Variants in MLIP observed in about 807,000 individuals in gnomAD.
MLIP encodes muscular LMNA-interacting protein.
A neutral mutation model predicts 84.8 loss-of-function variants in MLIP; 79 were observed. The observed-to-expected ratio is 0.93, with a 90% CI of 0.78 to 1.12. MLIP has a LOEUF of 1.12. Ranked by LOEUF, MLIP falls within the 50% of genes most tolerant of loss-of-function variation. MLIP has a pLI of 0.00. For missense variants in MLIP, 1,257 were observed against 1,160.6 expected (o/e 1.08, Z -1.21); for synonymous variants, 504 against 463.0 (o/e 1.09, Z -1.14).
intron 4 of MLIP, among the ~76,000 whole-genome samples, chr6:54,145,691 G>C (rs756453605): frequency 2.6e-5 from 4 of 151,918 alleles, no homozygotes; most frequent in Non-Finnish European, 5.9e-5. Context: ...TGGAAGAATT[G>C]CTTGAGCTCA....
chr6:54,181,938 AG>A (rs1175729945), intron 9 of MLIP, among the ~76,000 whole-genome samples: 1 of 152,184 alleles, frequency 6.6e-6, no homozygotes, highest in African/African-American at 2.4e-5. Flanking sequence ...AGAAGCAAGG[AG>A]TCACTTTTGT....
chr6:54,254,611 T>C (rs952825946), intron 12 of MLIP, among the ~76,000 whole-genome samples: 6 of 152,078 alleles, frequency 3.9e-5, no homozygotes, highest in Admixed American at 6.6e-5. Flanking sequence ...ATCAACAAAA[T>C]AGCAACATAT....
At chr6:54,054,711 A>G (rs958469384) in intron 1 of MLIP, among the ~76,000 whole-genome samples, 6 of 152,062 alleles carry the variant, frequency 3.9e-5, no homozygotes, top group Non-Finnish European at 7.4e-5. Context: ...GCAAGATAAC[A>G]TTTTCTCTGG....
intron 11 of MLIP, among the ~76,000 whole-genome samples, chr6:54,211,517 C>A (rs1779449827): frequency 6.6e-6 from 1 of 152,164 alleles, no homozygotes; most frequent in African/African-American, 2.4e-5. Context: ...CAAAGGAAAT[C>A]TAGGGCAGCT....
intron 1 of MLIP, chr6:54,028,983 G>C (rs1297069386): frequency 2.0e-5 from 3 of 151,934 alleles, no homozygotes; most frequent in Non-Finnish European, 4.4e-5. Flanking sequence ...TTTTCTCTTT[G>C]CCAGGTCTCT....
intron 9 of MLIP, among the ~76,000 whole-genome samples, chr6:54,171,219 AATTAAAGTAGGTTAACTTTC>A (rs1775741126): frequency 6.6e-6 from 1 of 151,604 alleles, no homozygotes; most frequent in African/African-American, 2.4e-5. Flanking sequence ...TATCAGATTT[AATTAAAGTAGGTTAACTTTC>A]ATGCCCTTAA....
At chr6:54,027,438 G>C (rs142506329) in intron 1 of MLIP, among the ~76,000 whole-genome samples, 16 of 150,986 alleles carry the variant, frequency 1.1e-4, no homozygotes, top group Non-Finnish European at 1.6e-4. Flanking sequence ...CATAAAATCT[G>C]TGTGTTAAAT....
intron 12 of MLIP, among the ~76,000 whole-genome samples, chr6:54,231,627 G>A (rs1456711733): frequency 2.6e-5 from 4 of 151,950 alleles, no homozygotes; most frequent in Non-Finnish European, 4.4e-5. Context: ...TTCTGATAAG[G>A]GCATCCTGGC....
chr6:54,226,773 A>T (rs535289638), intron 11 of MLIP, among the ~76,000 whole-genome samples: 1 of 152,334 alleles, frequency 6.6e-6, no homozygotes. Flanking sequence ...CTAAAAAAAT[A>T]AAAAGAATAC....
At chr6:54,234,759 T>C (rs1781251783) in intron 12 of MLIP, among the ~76,000 whole-genome samples, 1 of 152,190 alleles carries the variant, frequency 6.6e-6, no homozygotes, top group Admixed American at 6.5e-5. Flanking sequence ...TGCATTTCTC[T>C]CCTCACTCTG....
rs548445909 is a variant in MLIP, at chr6:54,036,705, T to A, written c.63+17614T>A. On this transcript the variant is annotated intron_variant, in intron 1 of 12. Coordinates refer to the MLIP transcript ENST00000274897. Reference sequence around the variant, plus strand: ...TTCCTAAAAAAATGAAAAATAGAACTACTATATGACCCAGCAATCCCACTT... The same window carrying A: ...TTCCTAAAAAAATGAAAAATAGAACAACTATATGACCCAGCAATCCCACTT... 4.6e-5 allele frequency among the ~76,000 whole-genome samples: 7 copies of A among 152,126 alleles called. No individual in the cohort carries two copies. The South Asian group carries it at 1.5e-3, about 32-fold the overall frequency.
chr6:54,113,393 G>T (rs1251126151), intron 1 of MLIP, among the ~76,000 whole-genome samples: 2 of 152,122 alleles, frequency 1.3e-5, no homozygotes, highest in Admixed American at 6.6e-5. Flanking sequence ...AGCCCTAGAA[G>T]ATAATACATC....
In MLIP at chr6:54,160,589, CCTTGTCT is replaced by C; in HGVS notation, c.2430_2436del (p.Leu811CysfsTer51). On this transcript the variant is annotated frameshift_variant, in exon 7 of 14. Coordinates refer to ENST00000502396, the MANE Select transcript of MLIP (RefSeq NM_001281747.2). LOFTEE classifies it high-confidence loss of function. ...ACCATTGATAAGGTCTTACAGGATT[CCTTGTCT>C]ATGGTAATGCTTTAGACTAGAATGT... 4 of 1,610,524 alleles carry C rather than the reference CCTTGTCT, an allele frequency of 2.5e-6. No individual in the cohort carries two copies. The highest frequency in any genetic ancestry group is 3.4e-6 in the Non-Finnish European group (4 of 1,177,558).
intron 1 of MLIP, among the ~76,000 whole-genome samples, chr6:54,066,435 T>C (rs1164418987): frequency 9.9e-6 from 1 of 100,970 alleles, no homozygotes; most frequent in African/African-American, 2.5e-5. Flanking sequence ...AAATAGCAGA[T>C]GGACTTTTCC....
At chr6:54,188,841 A>C (rs553018300) in intron 9 of MLIP, among the ~76,000 whole-genome samples, 1 of 152,336 alleles carries the variant, frequency 6.6e-6, no homozygotes, top group African/African-American at 2.4e-5. Context: ...AAATTACAGA[A>C]TATCACGGAG....
Position 54,216,092 on chromosome 6 carries a change from A to G in MLIP, c.2718+13859A>G, listed in dbSNP as rs924062337. 8 of 898,542 alleles carry G rather than the reference A, an allele frequency of 8.9e-6. No individual in the cohort carries two copies. The South Asian group carries it at 3.6e-4, about 40-fold the overall frequency. 55.7% of individuals were successfully genotyped at this position (898,542 alleles called of 1,614,324 possible). The stretch of plus-strand genomic sequence containing the variant: ...ATCAACAGACACTTCGGTTGTTGCC[A>G]TATCTAATTGTTAAGAATGATACTG... On this transcript the variant is annotated intron_variant, in intron 11 of 13. Transcript: ENST00000502396.
intron 1 of MLIP, among the ~76,000 whole-genome samples, chr6:54,099,263 C>T (rs1768458509): frequency 6.6e-6 from 1 of 152,028 alleles, no homozygotes; most frequent in African/African-American, 2.4e-5. Context: ...TTACCGGTAA[C>T]CTTACTGAGA....
intron 1 of MLIP, among the ~76,000 whole-genome samples, chr6:54,043,801 G>T (rs1256255718): frequency 6.6e-6 from 1 of 152,196 alleles, no homozygotes; most frequent in Non-Finnish European, 1.5e-5. Context: ...TTAAGGGAAT[G>T]TCAGGTGACC....
intron 1 of MLIP, among the ~76,000 whole-genome samples, chr6:54,088,139 TGAAGTAAAA>T (rs1399125774): frequency 1.3e-5 from 2 of 152,148 alleles, no homozygotes; most frequent in African/African-American, 2.4e-5. Context: ...GTTTCAGAAT[TGAAGTAAAA>T]TAGTTTGTCT....
Sources: gnomAD v4.1 joint callset for allele counts (sites outside exome capture counted in the v4.1 genomes callset) on GRCh38, gnomAD v4.1.1 for gene constraint, MANE v1.5 for transcripts, NCBI Gene and HGNC (gene_info 2026-07-23, HGNC 2026-07-21) for gene names.